Variants in PDE10A observed in about 807,000 individuals in gnomAD.
PDE10A encodes the protein phosphodiesterase 10A, also known as cAMP and cAMP-inhibited cGMP 3',5'-cyclic phosphodiesterase 10A.
Under a neutral mutation model 97.7 loss-of-function variants are expected in PDE10A, and 39 were observed. The ratio of observed to expected loss-of-function variants is 0.40; its 90% CI spans 0.31 to 0.52. The LOEUF (loss-of-function observed/expected upper bound fraction) is 0.52, where lower values mean the gene tolerates loss of function less well. PDE10A is among the 20% of genes least tolerant of loss of function. The pLI is 0.56. For synonymous variants in PDE10A, 371 were observed against 376.8 expected (o/e 0.98, Z 0.18); for missense variants, 731 against 1,047.8 (o/e 0.70, Z 4.17).
At chr6:165,958,538 A>G (rs1387725532) in intron 1 of PDE10A, among the ~76,000 whole-genome samples, 2 of 32,422 alleles carry the variant, frequency 6.2e-5, no homozygotes, top group African/African-American at 1.5e-4. Context: ...AGAAAGAAAG[A>G]AAGAAAGAAA....
At chr6:165,784,637 T>A (rs766498203) in intron 1 of PDE10A, among the ~76,000 whole-genome samples, 4 of 152,218 alleles carry the variant, frequency 2.6e-5, no homozygotes, top group Non-Finnish European at 4.4e-5. Context: ...TGATCACTTT[T>A]GCTTTTATTT....
intron 18 of PDE10A, among the ~76,000 whole-genome samples, chr6:165,367,103 T>A (rs995441758): frequency 1.3e-5 from 2 of 151,968 alleles, no homozygotes; most frequent in Non-Finnish European, 1.5e-5. Flanking sequence ...CGCTAAAGAA[T>A]CTTCAGGAAA....
intron 3 of PDE10A, among the ~76,000 whole-genome samples, chr6:165,454,037 A>C (rs1233943586): frequency 1.3e-5 from 2 of 152,214 alleles, no homozygotes; most frequent in Non-Finnish European, 2.9e-5. Flanking sequence ...AATTGAGTCA[A>C]AGAAGATTAT....
At chr6:165,984,078 A>G (rs1409358823) in intron 1 of PDE10A, among the ~76,000 whole-genome samples, 1 of 152,270 alleles carries the variant, frequency 6.6e-6, no homozygotes. Flanking sequence ...TGGTTTCTAC[A>G]GTTACATATT....
intron 1 of PDE10A, among the ~76,000 whole-genome samples, chr6:165,684,007 G>C (rs1221111147): frequency 6.6e-6 from 1 of 152,008 alleles, no homozygotes; most frequent in Non-Finnish European, 1.5e-5. Flanking sequence ...TGTCTGGAAG[G>C]CTTTCTGCCT....
chr6:165,687,548 C>T (rs1232356384), intron 1 of PDE10A, among the ~76,000 whole-genome samples: 1 of 152,232 alleles, frequency 6.6e-6, no homozygotes, highest in Non-Finnish European at 1.5e-5. Flanking sequence ...TCAATGCTGA[C>T]TCTCAGTATT....
intron 1 of PDE10A, among the ~76,000 whole-genome samples, chr6:165,612,628 C>T (rs1461522131): frequency 6.6e-6 from 1 of 152,180 alleles, no homozygotes; most frequent in African/African-American, 2.4e-5. Context: ...CTTTGCCTCC[C>T]AAAGTGCTGG....
chr6:165,576,460 T>C, intron 1 of PDE10A: 1 of 780,884 alleles, frequency 1.3e-6, no homozygotes, highest in Admixed American at 1.7e-5. Flanking sequence ...CTACATTCTT[T>C]TCCTTCAAAG....
At chr6:165,849,486 T>C (rs1017202464) in intron 1 of PDE10A, among the ~76,000 whole-genome samples, 2 of 152,242 alleles carry the variant, frequency 1.3e-5, no homozygotes, top group African/African-American at 4.8e-5. Flanking sequence ...TAATTATCCC[T>C]CCACTAGGAA....
intron 2 of PDE10A, among the ~76,000 whole-genome samples, chr6:165,530,799 G>A (rs1406865722): frequency 6.6e-6 from 1 of 152,176 alleles, no homozygotes; most frequent in African/African-American, 2.4e-5. Context: ...TCAGATAAGT[G>A]TGCTGATGTT....
At chr6:165,526,616 C>A (rs924149824) in intron 2 of PDE10A, among the ~76,000 whole-genome samples, 2 of 152,214 alleles carry the variant, frequency 1.3e-5, no homozygotes, top group Non-Finnish European at 2.9e-5. Context: ...TCCCATTTGG[C>A]CTTTGCAGAA....
chr6:165,756,991 G>A (rs145623661), intron 1 of PDE10A, among the ~76,000 whole-genome samples: 11,468 of 147,598 alleles, frequency 0.078, 507 homozygotes, highest in African/African-American at 0.12. Flanking sequence ...TTTTTGAGGC[G>A]GAGTCTCGCT....
chr6:165,401,121 G>A (rs1433008775), intron 13 of PDE10A, among the ~76,000 whole-genome samples: 4 of 152,092 alleles, frequency 2.6e-5, no homozygotes, highest in Non-Finnish European at 4.4e-5. Context: ...GGGTATGTGT[G>A]TATACTAAGT....
intron 1 of PDE10A, among the ~76,000 whole-genome samples, chr6:165,827,202 G>C (rs1208884235): frequency 6.6e-6 from 1 of 152,214 alleles, no homozygotes; most frequent in Non-Finnish European, 1.5e-5. Flanking sequence ...TCTGACCCAG[G>C]AACCACCAGG....
intron 1 of PDE10A, among the ~76,000 whole-genome samples, chr6:165,551,880 T>G (rs1784034133): frequency 6.6e-6 from 1 of 152,174 alleles, no homozygotes; most frequent in African/African-American, 2.4e-5. Context: ...AAAATAAGTC[T>G]AACTGGAGGA....
chr6:165,413,949 C>T (rs1788107279), intron 12 of PDE10A, among the ~76,000 whole-genome samples: 1 of 152,032 alleles, frequency 6.6e-6, no homozygotes, highest in African/African-American at 2.4e-5. Flanking sequence ...AGGCTTTCAG[C>T]TTATCATTTG....
intron 2 of PDE10A, among the ~76,000 whole-genome samples, chr6:165,497,171 GATT>G (rs529035346): frequency 6.6e-6 from 1 of 152,288 alleles, no homozygotes; most frequent in Admixed American, 6.5e-5. Flanking sequence ...TTCTCTGAGA[GATT>G]ATAATGATTT....
At chr6:165,953,900 CCT>C (rs1217730559) in intron 1 of PDE10A, among the ~76,000 whole-genome samples, 1 of 152,172 alleles carries the variant, frequency 6.6e-6, no homozygotes, top group Admixed American at 6.5e-5. Context: ...CTCAAATTCC[CCT>C]GTGTCCCACC....
chr6:165,509,031 T>C (rs1781360240), intron 2 of PDE10A, among the ~76,000 whole-genome samples: 1 of 152,000 alleles, frequency 6.6e-6, no homozygotes, highest in African/African-American at 2.4e-5. Flanking sequence ...TCACATAATA[T>C]ATAGTCAATT....
Sources: gnomAD v4.1 joint callset for allele counts (sites outside exome capture counted in the v4.1 genomes callset) on GRCh38, gnomAD v4.1.1 for gene constraint, MANE v1.5 for transcripts, NCBI Gene and HGNC (gene_info 2026-07-23, HGNC 2026-07-21) for gene names.